Variants in OLA1 observed in about 807,000 individuals in gnomAD.
OLA1 encodes the protein obg-like ATPase 1.
A neutral mutation model predicts 48.4 loss-of-function variants in OLA1; 14 were observed. The observed-to-expected ratio is 0.29, with a 90% CI of 0.19 to 0.45. The LOEUF (loss-of-function observed/expected upper bound fraction) is 0.45. OLA1 is among the 20% of genes least tolerant of loss of function. The pLI, the probability that OLA1 is intolerant of heterozygous loss-of-function variation, is 1.00. For missense variants in OLA1, 325 were observed against 467.1 expected (o/e 0.70, Z 2.80); for synonymous variants, 127 against 150.4 (o/e 0.84, Z 1.14).
chr2:174,195,239 C>CA (rs35255060), intron 4 of OLA1, among the ~76,000 whole-genome samples: 11 of 150,782 alleles, frequency 7.3e-5, no homozygotes, highest in Admixed American at 2.6e-4. Context: ...TTACTATGCT[C>CA]AAAAAAAAAA....
intron 4 of OLA1, among the ~76,000 whole-genome samples, chr2:174,147,258 C>T (rs1686626726): frequency 6.6e-6 from 1 of 152,084 alleles, no homozygotes; most frequent in South Asian, 2.1e-4. Context: ...GAAAACACAT[C>T]TCTACTAAAA....
intron 2 of OLA1, among the ~76,000 whole-genome samples, chr2:174,245,791 G>A (rs1261788516): frequency 2.0e-5 from 3 of 151,208 alleles, no homozygotes; most frequent in Non-Finnish European, 4.4e-5. Flanking sequence ...CTACCCGGGA[G>A]GCAGAGGCAG....
intron 7 of OLA1, among the ~76,000 whole-genome samples, chr2:174,109,719 T>A (rs935695407): frequency 6.6e-6 from 1 of 152,174 alleles, no homozygotes; most frequent in Non-Finnish European, 1.5e-5. Flanking sequence ...CTATTCTGTA[T>A]AATTTTTCAA....
chr2:174,167,643 A>AAGGT, intron 4 of OLA1, among the ~76,000 whole-genome samples: 1 of 152,230 alleles, frequency 6.6e-6, no homozygotes, highest in Admixed American at 6.5e-5. Flanking sequence ...CATAGTAATT[A>AAGGT]AGGTATGATG....
chr2:174,109,040 G>A (rs1047927943), intron 7 of OLA1, among the ~76,000 whole-genome samples: 7 of 152,048 alleles, frequency 4.6e-5, no homozygotes, highest in Non-Finnish European at 8.8e-5. Context: ...TATTTGTCAG[G>A]AACTACTAAT....
chr2:174,169,734 A>G (rs1383285597), intron 4 of OLA1, among the ~76,000 whole-genome samples: 1 of 152,226 alleles, frequency 6.6e-6, no homozygotes. Context: ...AAAGAAAAGC[A>G]TCAAAAATGG....
chr2:174,180,124 G>T (rs1410347945), intron 4 of OLA1, among the ~76,000 whole-genome samples: 2 of 151,908 alleles, frequency 1.3e-5, no homozygotes. Flanking sequence ...GAAAACAGCA[G>T]TTACTAGCTA....
At chr2:174,231,704 A>C (rs1195157159) in intron 2 of OLA1, among the ~76,000 whole-genome samples, 1 of 152,218 alleles carries the variant, frequency 6.6e-6, no homozygotes. Flanking sequence ...CTCATTTTAG[A>C]TGAATATTAA....
At position 174,075,059 on chromosome 2, in the gene OLA1, T is replaced by C. The variant is rs1366647734; in HGVS notation, c.*367A>G. On this transcript the variant is annotated 3_prime_UTR_variant, in exon 11 of 11. Transcript: ENST00000284719. Reference sequence around the variant, plus strand: ...TAGACATCTGGAGTACTGTAAAACATGCATTATCTGTAGATTCAAAAAGGA... The same window carrying C: ...TAGACATCTGGAGTACTGTAAAACACGCATTATCTGTAGATTCAAAAAGGA... 2.2e-5 allele frequency: 5 copies of C among 224,172 alleles called. No homozygotes were observed. Among genetic ancestry groups the C allele is most frequent in the Non-Finnish European group, 4.4e-5 (5 of 113,090 alleles). 13.9% of individuals were successfully genotyped at this position (224,172 alleles called of 1,614,324 possible).
chr2:174,233,590 G>C (rs546351366), intron 2 of OLA1, among the ~76,000 whole-genome samples: 1 of 152,236 alleles, frequency 6.6e-6, no homozygotes, highest in Admixed American at 6.5e-5. Flanking sequence ...GGCCAGGTTG[G>C]CCTTGAACTC....
At chr2:174,182,393 G>A (rs1687567020) in intron 4 of OLA1, among the ~76,000 whole-genome samples, 1 of 152,218 alleles carries the variant, frequency 6.6e-6, no homozygotes, top group East Asian at 1.9e-4. Flanking sequence ...AGGCGTGGTG[G>A]CACATGCCTG....
intron 7 of OLA1, among the ~76,000 whole-genome samples, chr2:174,107,315 C>T (rs1000361059): frequency 6.6e-6 from 1 of 152,020 alleles, no homozygotes; most frequent in Non-Finnish European, 1.5e-5. Flanking sequence ...GTAAAATGGA[C>T]GTCCACGCTC....
At chr2:174,098,132 T>C (rs558526990) in intron 7 of OLA1, among the ~76,000 whole-genome samples, 4 of 152,286 alleles carry the variant, frequency 2.6e-5, no homozygotes, top group East Asian at 1.9e-4. Context: ...AAAGTTTCAA[T>C]AGTTTAGTTA....
intron 2 of OLA1, among the ~76,000 whole-genome samples, chr2:174,231,375 G>A (rs987745879): frequency 3.9e-5 from 6 of 152,122 alleles, no homozygotes; most frequent in African/African-American, 1.2e-4. Flanking sequence ...CTAACGTTAT[G>A]AAGACAAAAT....
chr2:174,159,946 A>G (rs944952018), intron 4 of OLA1, among the ~76,000 whole-genome samples: 1 of 152,122 alleles, frequency 6.6e-6, no homozygotes, highest in Non-Finnish European at 1.5e-5. Flanking sequence ...CAGTCTTGAG[A>G]CTGAGATTTA....
chr2:174,132,354 C>T (rs1686202403), intron 5 of OLA1, among the ~76,000 whole-genome samples: 1 of 151,868 alleles, frequency 6.6e-6, no homozygotes, highest in Non-Finnish European at 1.5e-5. Context: ...TTAATATTTA[C>T]TTTCATCTTA....
chr2:174,108,103 G>T (rs1245540540), intron 7 of OLA1, among the ~76,000 whole-genome samples: 2 of 151,882 alleles, frequency 1.3e-5, no homozygotes, highest in African/African-American at 4.8e-5. Flanking sequence ...TTGCCTCAAA[G>T]AACTATGTTA....
chr2:174,237,450 C>A (rs899273111), intron 2 of OLA1, among the ~76,000 whole-genome samples: 1 of 151,846 alleles, frequency 6.6e-6, no homozygotes, highest in Non-Finnish European at 1.5e-5. Flanking sequence ...CTAAAGTAAC[C>A]ATAAAAATTA....
intron 2 of OLA1, among the ~76,000 whole-genome samples, chr2:174,236,469 A>G (rs1688853684): frequency 6.6e-6 from 1 of 152,206 alleles, no homozygotes; most frequent in Non-Finnish European, 1.5e-5. Flanking sequence ...AGACAGCAAT[A>G]AAAGTATCCA....
Sources: gnomAD v4.1 joint callset for allele counts (sites outside exome capture counted in the v4.1 genomes callset) on GRCh38, gnomAD v4.1.1 for gene constraint, MANE v1.5 for transcripts, NCBI Gene and HGNC (gene_info 2026-07-23, HGNC 2026-07-21) for gene names.